The following DHDDS variants were observed in gnomAD, a reference collection of about 807,000 sequenced individuals.
DHDDS encodes dehydrodolichyl diphosphate synthase subunit.
DHDDS carries 16 observed loss-of-function variants against 46.2 expected under a neutral mutation model. The ratio of observed to expected loss-of-function variants is 0.35; its 90% CI spans 0.23 to 0.53. The LOEUF (loss-of-function observed/expected upper bound fraction) is 0.53, where lower values mean the gene tolerates loss of function less well. Among genes scored for constraint, DHDDS ranks in the 20% least tolerant of loss-of-function variants. The pLI is 0.94. For missense variants in DHDDS, 340 were observed against 423.7 expected (o/e 0.80, Z 1.73); for synonymous variants, 151 against 163.1 (o/e 0.93, Z 0.56).
In DHDDS at chr1:26,433,176, G is replaced by C; in HGVS notation, c.63+168G>C. 4.1e-6 allele frequency: 3 copies of C among 732,596 alleles called. No homozygotes were observed. The South Asian group carries it at 5.1e-5, about 12-fold the overall frequency. 45.4% of individuals were successfully genotyped at this position (732,596 alleles called of 1,614,324 possible). A position where few individuals can be genotyped will look rare whatever the true frequency, so the allele number is the denominator to read the frequency against. On this transcript the variant is annotated intron_variant, in intron 2 of 8. Coordinates refer to ENST00000236342, the MANE Select transcript of DHDDS (RefSeq NM_205861.3). ...GGTAACTTCCAGGTCTACATTTCTG[G>C]TAGACTTTTGTCCTAACTCTGATAT...
Position 26,452,885 on chromosome 1 carries a change from G to A in DHDDS, c.543-4906G>A, listed in dbSNP as rs373785553. 5.3e-5 allele frequency among the ~76,000 whole-genome samples: 8 copies of A among 152,240 alleles called. No individual in the cohort carries two copies. The East Asian group carries it at 1.2e-3, about 22-fold the overall frequency. ...AGGCTGAGGCAGGAAAATCGCTTGAGCCCTGGAGTTTGAGACCAGCCCTGG... is the reference window on the plus strand; with the variant it reads ...AGGCTGAGGCAGGAAAATCGCTTGAACCCTGGAGTTTGAGACCAGCCCTGG... On this transcript the variant is annotated intron_variant, in intron 6 of 8. Transcript: ENST00000236342.
At chr1:26,455,669 C>T (rs1271053962) in intron 6 of DHDDS, among the ~76,000 whole-genome samples, 5 of 152,136 alleles carry the variant, frequency 3.3e-5, no homozygotes, top group Non-Finnish European at 7.4e-5. Context: ...ATCACTTGAA[C>T]CCGAGAGGTG....
At chr1:26,467,346 A>G in intron 8 of DHDDS, 2 of 471,608 alleles carry the variant, frequency 4.2e-6, no homozygotes, top group Non-Finnish European at 8.8e-6. Flanking sequence ...AGCAAGACGG[A>G]GAGCTCTACG....
intron 8 of DHDDS, among the ~76,000 whole-genome samples, chr1:26,462,396 T>TA (rs1364151155): frequency 1.3e-5 from 2 of 152,196 alleles, no homozygotes; most frequent in African/African-American, 4.8e-5. Flanking sequence ...CCTTGAGGGG[T>TA]AGGGCTGTTT....
intron 8 of DHDDS, chr1:26,467,266 T>C (rs1557453952): frequency 2.1e-6 from 1 of 466,188 alleles, no homozygotes; most frequent in East Asian, 7.0e-5. Context: ...CGCATCTCCA[T>C]ATCCTCAAAA....
In DHDDS at chr1:26,445,083, C is replaced by CATT. The variant is rs1553121773; in HGVS notation, c.324-1233_324-1232insATT. ...CTCCCTACGTGCAAATCCTGGTTCT[C>CATT]CATCAGCTGTCCAAACAAATTACCT... On this transcript the variant is annotated intron_variant, in intron 4 of 8. Coordinates refer to ENST00000236342, the MANE Select transcript of DHDDS (RefSeq NM_205861.3). Among the ~76,000 whole-genome samples, 314 of 151,684 alleles carry CATT rather than the reference C, an allele frequency of 2.1e-3. 1 individual carries two copies. Among genetic ancestry groups the CATT allele is most frequent in the Middle Eastern group, 3.4e-3 (1 of 292 alleles).
chr1:26,457,037 T>C (rs3001256), intron 6 of DHDDS, among the ~76,000 whole-genome samples: 7,679 of 152,310 alleles, frequency 0.05, 226 homozygotes, highest in Admixed American at 0.092. Flanking sequence ...AAAAACAAGA[T>C]GTTTTTAGCA....
intron 3 of DHDDS, among the ~76,000 whole-genome samples, chr1:26,440,461 C>T (rs1221578720): frequency 1.3e-5 from 2 of 152,188 alleles, no homozygotes; most frequent in African/African-American, 4.8e-5. Context: ...TCAGTTTCTT[C>T]ATCTATAAAA....
At chr1:26,442,419 A>C (rs1178801191) in intron 3 of DHDDS, among the ~76,000 whole-genome samples, 1 of 152,244 alleles carries the variant, frequency 6.6e-6, no homozygotes, top group Non-Finnish European at 1.5e-5. Context: ...GATTCCAGTC[A>C]CATAAGTGCA....
chr1:26,446,516 G>A, intron 5 of DHDDS, 84 bp downstream of exon 5: 1 of 1,320,724 alleles, frequency 7.6e-7, no homozygotes, highest in Middle Eastern at 1.9e-4. Context: ...GGCTTTCCTT[G>A]GTCTGGATTG....
At chr1:26,466,138 T>C (rs910853476) in intron 8 of DHDDS, 1 of 152,170 alleles carries the variant, frequency 6.6e-6, no homozygotes, top group Non-Finnish European at 1.5e-5. Context: ...CTTGGAGCCC[T>C]TGCACCAAGA....
chr1:26,432,868 AT>A (rs1215452305), intron 1 of DHDDS, 22 bp from the exon 2 acceptor site: 28 of 1,534,412 alleles, frequency 1.8e-5, no homozygotes, highest in Non-Finnish European at 2.4e-5. Context: ...GTGACTTCTT[AT>A]TTTCTTTCTT....
intron 6 of DHDDS, chr1:26,454,704 C>T (rs1456559966): frequency 4.4e-6 from 7 of 1,585,858 alleles, no homozygotes; most frequent in Non-Finnish European, 6.0e-6. Flanking sequence ...GCAACCTCCT[C>T]TTCTGGTTTA....
intron 4 of DHDDS, among the ~76,000 whole-genome samples, chr1:26,444,652 G>T (rs192350600): frequency 5.3e-5 from 8 of 152,290 alleles, no homozygotes; most frequent in East Asian, 3.9e-4. Context: ...AGGCTGAAGT[G>T]GGGGGATCAC....
At chr1:26,442,611 C>A (rs1041894268) in intron 3 of DHDDS, 120 bp from the exon 4 acceptor site, 1 of 1,205,942 alleles carries the variant, frequency 8.3e-7, no homozygotes, top group Non-Finnish European at 1.2e-6. Context: ...CTTCACCCAG[C>A]TTTGGGGAGG....
chr1:26,453,196 ATCAT>A (rs1217492251), intron 6 of DHDDS, among the ~76,000 whole-genome samples: 1 of 152,190 alleles, frequency 6.6e-6, no homozygotes, highest in East Asian at 1.9e-4. Flanking sequence ...TCATGCTTTT[ATCAT>A]TCAATGTTAC....
intron 6 of DHDDS, among the ~76,000 whole-genome samples, chr1:26,453,003 G>A (rs1157807035): frequency 6.6e-6 from 1 of 151,924 alleles, no homozygotes; most frequent in Non-Finnish European, 1.5e-5. Context: ...GAGTGAGGAG[G>A]ATTACTTGAG....
intron 4 of DHDDS, among the ~76,000 whole-genome samples, chr1:26,445,723 A>G (rs74352071): frequency 1.9e-4 from 29 of 149,892 alleles, no homozygotes; most frequent in Admixed American, 5.3e-4. Context: ...AAAAAAGGGG[A>G]AAAAAAAATG....
At chr1:26,438,137 C>T (rs777041111) in intron 2 of DHDDS, 31 bp from the exon 3 acceptor site, 10 of 1,604,180 alleles carry the variant, frequency 6.2e-6, no homozygotes, top group Non-Finnish European at 5.1e-6. Context: ...GAATATGAGA[C>T]CTGTTCATCA....
Sources: allele counts gnomAD v4.1 joint callset (sites outside exome capture counted in the v4.1 genomes callset), GRCh38; gene constraint gnomAD v4.1.1; transcripts MANE v1.5; gene names NCBI Gene and HGNC (gene_info 2026-07-23, HGNC 2026-07-21).